TARBP1: variants seen among roughly 807,000 people sequenced by gnomAD.
The protein encoded by TARBP1 is tRNA guanosine 2 -O-methyltransferase TARBP1.
In TARBP1, 144 loss-of-function variants were observed where a neutral mutation model predicts 178.6. The observed-to-expected ratio is 0.81, with a 90% CI of 0.70 to 0.93. TARBP1 has a LOEUF of 0.93. Ranked by LOEUF, TARBP1 falls within the 40% of genes least tolerant of loss-of-function variation. The pLI is 0.00. For synonymous variants in TARBP1, 787 were observed against 781.0 expected, an observed-to-expected ratio of 1.01 and a Z score of -0.13; for missense variants, 2,067 against 2,011.7, an observed-to-expected ratio of 1.03 and a Z score of -0.53.
chr1:234,471,329 T>C, intron 2 of TARBP1, 72 bp from the exon 3 acceptor site: 1 of 985,684 alleles, frequency 1.0e-6, no homozygotes, highest in East Asian at 2.5e-5. Context: ...TTTTCATCTC[T>C]TTATTTCACA....
At chr1:234,433,897 A>C (rs1453488150) in intron 13 of TARBP1, among the ~76,000 whole-genome samples, 1 of 152,218 alleles carries the variant, frequency 6.6e-6, no homozygotes, top group East Asian at 1.9e-4. Flanking sequence ...GTACATCATA[A>C]ATAATAATGA....
At chr1:234,471,806 G>A (rs1329946744) in intron 2 of TARBP1, among the ~76,000 whole-genome samples, 1 of 152,174 alleles carries the variant, frequency 6.6e-6, no homozygotes, top group Non-Finnish European at 1.5e-5. Context: ...AAGTTAATTT[G>A]AATTTAGAAA....
intron 9 of TARBP1, among the ~76,000 whole-genome samples, chr1:234,451,235 T>G (rs958060922): frequency 2.0e-5 from 3 of 152,226 alleles, no homozygotes; most frequent in African/African-American, 4.8e-5. Context: ...ATGGTGAAAC[T>G]TTTGTTTTAA....
chr1:234,460,146 C>A, intron 7 of TARBP1, 115 bp downstream of exon 7: 1 of 1,194,856 alleles, frequency 8.4e-7, no homozygotes, highest in Non-Finnish European at 1.1e-6. Context: ...CCAAACATCC[C>A]AATCCCAATA....
chr1:234,461,430 C>A (rs1667852357), intron 6 of TARBP1, among the ~76,000 whole-genome samples: 3 of 152,208 alleles, frequency 2.0e-5, no homozygotes, highest in Admixed American at 2.0e-4. Flanking sequence ...GCCTCAGCCT[C>A]CTGAGTAGCT....
At chr1:234,403,953 G>A (rs961253796) in intron 24 of TARBP1, among the ~76,000 whole-genome samples, 4 of 152,142 alleles carry the variant, frequency 2.6e-5, no homozygotes, top group African/African-American at 7.2e-5. Flanking sequence ...CTCCCAAAGT[G>A]CTGGGATTAT....
At chr1:234,471,614 G>C (rs1430699261) in intron 2 of TARBP1, among the ~76,000 whole-genome samples, 2 of 152,212 alleles carry the variant, frequency 1.3e-5, no homozygotes, top group Non-Finnish European at 2.9e-5. Context: ...CACTCAAGTT[G>C]TTCATGGCTG....
At chr1:234,393,313 T>A (rs368641814) in intron 28 of TARBP1, 49 bp downstream of exon 28, 11 of 1,400,980 alleles carry the variant, frequency 7.9e-6, no homozygotes, top group Middle Eastern at 3.8e-4. Flanking sequence ...CACGGGTACA[T>A]GTGCGGGCTT....
intron 2 of TARBP1, among the ~76,000 whole-genome samples, chr1:234,472,273 G>C (rs939116419): frequency 1.4e-5 from 2 of 141,364 alleles, no homozygotes; most frequent in African/African-American, 5.3e-5. Flanking sequence ...ATGTTGCAGT[G>C]AGCTGAGATC....
intron 9 of TARBP1, among the ~76,000 whole-genome samples, chr1:234,455,248 C>T (rs1198822103): frequency 1.3e-5 from 2 of 152,164 alleles, no homozygotes; most frequent in Non-Finnish European, 2.9e-5. Flanking sequence ...CCATAGGAAA[C>T]TATGGAGGGA....
chr1:234,450,441 T>A lies in TARBP1; in HGVS notation c.1848A>T (p.Ser616=). 1.9e-6 allele frequency: 3 copies of A among 1,584,656 alleles called. No homozygotes were observed. Among genetic ancestry groups the A allele is most frequent in the Non-Finnish European group, 2.6e-6 (3 of 1,170,346 alleles). The change falls in exon 10 of 30, where the codon TCA becomes TCT. Residue 616 remains serine, a synonymous_variant. Transcript: ENST00000040877. The part of the protein sequence containing the change: ...VKSIVQEYVK[S]SAWETGENCF... Reference sequence around the variant, plus strand: ...TTGCAGACTTACTTTCCCAAGCAGATGACTTAACATACTCTTGAACAATGC... The same window carrying A: ...TTGCAGACTTACTTTCCCAAGCAGAAGACTTAACATACTCTTGAACAATGC...
intron 22 of TARBP1, among the ~76,000 whole-genome samples, chr1:234,412,706 T>G (rs1467376828): frequency 6.6e-6 from 1 of 151,986 alleles, no homozygotes. Flanking sequence ...GAGAGTTATC[T>G]AGATAAAGAG....
intron 3 of TARBP1, among the ~76,000 whole-genome samples, chr1:234,467,867 GC>G (rs1327301305): frequency 3.9e-5 from 6 of 152,102 alleles, no homozygotes; most frequent in Non-Finnish European, 1.5e-5. Flanking sequence ...AAACTCCAGG[GC>G]TCAAGCGATC....
intron 4 of TARBP1, 22 bp from the exon 5 acceptor site, chr1:234,465,730 GAC>G: frequency 9.8e-7 from 1 of 1,019,004 alleles, no homozygotes; most frequent in Non-Finnish European, 1.4e-6. Context: ...AAAAAAAAAA[GAC>G]ACGTAATTGA....
chr1:234,442,452 A>G (rs991261889), intron 12 of TARBP1, among the ~76,000 whole-genome samples: 39 of 152,154 alleles, frequency 2.6e-4, no homozygotes, highest in African/African-American at 9.2e-4. Flanking sequence ...TTAATTTTAA[A>G]TTTTCATGTT....
chr1:234,438,124 T>C (rs1665222481), intron 12 of TARBP1, among the ~76,000 whole-genome samples: 1 of 152,208 alleles, frequency 6.6e-6, no homozygotes, highest in South Asian at 2.1e-4. Flanking sequence ...TAAGTCAGAA[T>C]GTGAGGCCTC....
chr1:234,403,309 C>G (rs1322281441), intron 24 of TARBP1, among the ~76,000 whole-genome samples: 1 of 152,148 alleles, frequency 6.6e-6, no homozygotes, highest in Non-Finnish European at 1.5e-5. Flanking sequence ...ACAGAAATCT[C>G]TTTCCTTCAG....
At chr1:234,421,463 C>G (rs1242931065) in intron 20 of TARBP1, among the ~76,000 whole-genome samples, 1 of 152,210 alleles carries the variant, frequency 6.6e-6, no homozygotes, top group Non-Finnish European at 1.5e-5. Context: ...GATTGAGATA[C>G]TGGACATATA....
At position 234,427,403 on chromosome 1, in the gene TARBP1, C is replaced by T. The variant is rs367922734; in HGVS notation, c.3252-15G>A. The T allele has an allele frequency of 1.9e-6, 3 of 1,595,482 alleles. No individual in the cohort carries two copies. The highest frequency in any genetic ancestry group is 2.6e-6 in the Non-Finnish European group (3 of 1,171,630). On this transcript the variant is annotated splice_polypyrimidine_tract_variant and intron_variant, in intron 18 of 29. Coordinates refer to ENST00000040877, the MANE Select transcript of TARBP1 (RefSeq NM_005646.4). ...CCTGAACAAGTCTTTCCATAAAAAA[C>T]ATTTGATAAAGAACAACAGGTTTTA... is the stretch of plus-strand genomic sequence containing the variant.
Sources: allele counts gnomAD v4.1 joint callset (sites outside exome capture counted in the v4.1 genomes callset), GRCh38; gene constraint gnomAD v4.1.1; transcripts MANE v1.5; gene names NCBI Gene and HGNC (gene_info 2026-07-23, HGNC 2026-07-21).